SLC9A9: variants seen among roughly 807,000 people sequenced by gnomAD.
The protein encoded by SLC9A9 is solute carrier family 9 member A9, also known as sodium/hydrogen exchanger 9.
In SLC9A9, 62 loss-of-function variants were observed where a neutral mutation model predicts 77.8. That is an observed-to-expected ratio of 0.80 (90% CI 0.65 to 0.98). SLC9A9 has a LOEUF of 0.98. Among genes scored for constraint, SLC9A9 ranks in the 50% least tolerant of loss-of-function variants. The pLI is 0.00. For synonymous variants in SLC9A9, 320 were observed against 283.5 expected, an observed-to-expected ratio of 1.13 and a Z score of -1.29; for missense variants, 775 against 774.9, an observed-to-expected ratio of 1.00 and a Z score of 0.00.
chr3:143,726,957 T>A (rs1934669774), intron 4 of SLC9A9, among the ~76,000 whole-genome samples: 1 of 152,038 alleles, frequency 6.6e-6, no homozygotes, highest in African/African-American at 2.4e-5. Flanking sequence ...TAATAATCAC[T>A]GGAGGATTGA....
intron 9 of SLC9A9, among the ~76,000 whole-genome samples, chr3:143,543,802 C>T (rs1489645288): frequency 7.6e-6 from 1 of 131,182 alleles, no homozygotes; most frequent in Non-Finnish European, 1.7e-5. Context: ...TGATGGACAC[C>T]TAGATTGATT....
At chr3:143,329,557 G>A (rs528141059) in intron 14 of SLC9A9, among the ~76,000 whole-genome samples, 47 of 152,270 alleles carry the variant, frequency 3.1e-4, no homozygotes, top group Middle Eastern at 3.4e-3. Flanking sequence ...CTCCCATATG[G>A]CAGGTGTGCA....
rs1014538847 is a variant in SLC9A9, at chr3:143,756,017, C to T, written c.533+38984G>A. ...AACAGAGGTTCCAGTAAGAAACTTG[C>T]TGTGTCATGCCTTAGGCAATGCAGT... On this transcript the variant is annotated intron_variant, in intron 4 of 15. Transcript: ENST00000316549. Among the ~76,000 whole-genome samples the T allele has an allele frequency of 2.0e-5, 3 of 152,270 alleles. No individual in the cohort carries two copies. The East Asian group carries it at 5.8e-4, about 29-fold the overall frequency.
chr3:143,703,697 A>G (rs1933870516), intron 4 of SLC9A9, among the ~76,000 whole-genome samples: 1 of 152,142 alleles, frequency 6.6e-6, no homozygotes, highest in Non-Finnish European at 1.5e-5. Context: ...AGTTAGTGGA[A>G]TAAATGAAAT....
At chr3:143,324,050 A>C (rs1328389515) in intron 14 of SLC9A9, among the ~76,000 whole-genome samples, 3 of 152,142 alleles carry the variant, frequency 2.0e-5, no homozygotes, top group Non-Finnish European at 4.4e-5. Flanking sequence ...TAGAGGTAAC[A>C]ATCCAGGTGG....
rs142816466 is a variant in SLC9A9, at chr3:143,512,888, A to G, written c.1090-17440T>C. The stretch of plus-strand genomic sequence containing the variant: ...AGACTCTGTCTCAAAAAACAAACAA[A>G]CAAAACAAAGCAAACAAAAGAAATG... On this transcript the variant is annotated intron_variant, in intron 9 of 15. Coordinates refer to ENST00000316549, the MANE Select transcript of SLC9A9 (RefSeq NM_173653.4). Among the ~76,000 whole-genome samples the G allele has an allele frequency of 4.1e-4, 62 of 152,348 alleles. No individual in the cohort carries two copies. The East Asian group carries it at 0.012, about 28-fold the overall frequency.
chr3:143,418,555 A>G (rs1298803097), intron 12 of SLC9A9, among the ~76,000 whole-genome samples: 1 of 152,066 alleles, frequency 6.6e-6, no homozygotes, highest in Non-Finnish European at 1.5e-5. Context: ...CGAGGGGTGG[A>G]AGGTGAGGAG....
At chr3:143,828,204 GGT>G (rs2009347393) in intron 2 of SLC9A9, among the ~76,000 whole-genome samples, 1 of 152,136 alleles carries the variant, frequency 6.6e-6, no homozygotes, top group Non-Finnish European at 1.5e-5. Context: ...GAATGTCTCA[GGT>G]GTCTACAAAC....
At chr3:143,570,715 C>T (rs991896988) in intron 8 of SLC9A9, among the ~76,000 whole-genome samples, 2 of 151,548 alleles carry the variant, frequency 1.3e-5, no homozygotes, top group Non-Finnish European at 2.9e-5. Context: ...ATGAAAAAAG[C>T]AAGTTACTTA....
At chr3:143,360,144 G>A (rs1604380) in intron 14 of SLC9A9, among the ~76,000 whole-genome samples, 25,145 of 152,076 alleles carry the variant, frequency 0.17, 2,307 homozygotes, top group Middle Eastern at 0.24. Context: ...CTTGAATCAT[G>A]AAATTGACAC....
At chr3:143,377,114 A>T (rs1421067167) in intron 13 of SLC9A9, among the ~76,000 whole-genome samples, 1 of 152,224 alleles carries the variant, frequency 6.6e-6, no homozygotes, top group Non-Finnish European at 1.5e-5. Flanking sequence ...ATTTTATTTA[A>T]TGACCATGAT....
intron 6 of SLC9A9, among the ~76,000 whole-genome samples, chr3:143,606,436 C>CTCTCTCTCTCTCTCTCTCTA (rs1419410834): frequency 3.7e-5 from 2 of 54,188 alleles, no homozygotes; most frequent in African/African-American, 1.5e-4. Context: ...CTCTCTCTCT[C>CTCTCTCTCTCTCTCTCTCTA]TATATATATA....
rs1379930967 is a variant in SLC9A9 at position 143,346,385 on chromosome 3, T to C, written c.1604+17099A>G. ...GGCTGAGCTAACTGCTAGAGAAAAC[T>C]GATTCTTGATGTTGCAGAAAATAAG... On this transcript the variant is annotated intron_variant, in intron 14 of 15. Coordinates refer to ENST00000316549, the MANE Select transcript of SLC9A9 (RefSeq NM_173653.4). Among the ~76,000 whole-genome samples, 3 of 152,332 alleles carry C rather than the reference T, an allele frequency of 2.0e-5. No individual in the cohort carries two copies. The East Asian group carries it at 5.8e-4, about 29-fold the overall frequency.
chr3:143,435,984 A>G (rs760833627), intron 12 of SLC9A9, among the ~76,000 whole-genome samples: 29 of 152,228 alleles, frequency 1.9e-4, no homozygotes, highest in Non-Finnish European at 3.5e-4. Flanking sequence ...TACAGACACA[A>G]CAATCCTTTA....
chr3:143,299,446 C>T (rs1455900052), intron 14 of SLC9A9, among the ~76,000 whole-genome samples: 2 of 151,182 alleles, frequency 1.3e-5, no homozygotes, highest in African/African-American at 2.4e-5. Flanking sequence ...GGGACCTACA[C>T]ATTTTTTTTT....
At chr3:143,278,703 C>CTTAACTACATATATAAG (rs1363225726) in intron 14 of SLC9A9, among the ~76,000 whole-genome samples, 1 of 152,300 alleles carries the variant, frequency 6.6e-6, no homozygotes, top group East Asian at 1.9e-4. Context: ...ACGACCTTGT[C>CTTAACTACATATATAAG]TTAACTACAT....
chr3:143,268,901 G>A lies in SLC9A9; in HGVS notation c.1684C>T (p.Leu562=). 1 of 1,613,856 alleles carries A rather than the reference G, an allele frequency of 6.2e-7. No individual in the cohort carries two copies. Among genetic ancestry groups the A allele is most frequent in the East Asian group, 2.2e-5 (1 of 44,862 alleles). The part of the protein sequence containing the change: ...LPEWCGPISR[L]LTSPQAYGEQ... ...CCATAGGCTTGAGGACTGGTAAGCA[G>A]CCTGGAAATCGGACCACACCATTCA... Residue 562 remains leucine, a synonymous_variant, in exon 15 of 16, where the codon CTG becomes TTG. Transcript: ENST00000316549.
intron 14 of SLC9A9, among the ~76,000 whole-genome samples, chr3:143,287,066 G>C (rs752112401): frequency 3.9e-5 from 6 of 152,012 alleles, no homozygotes; most frequent in Admixed American, 1.3e-4. Flanking sequence ...TGGATTATCT[G>C]AGACACTTTC....
At chr3:143,543,056 A>C (rs1337380519) in intron 9 of SLC9A9, among the ~76,000 whole-genome samples, 1 of 152,240 alleles carries the variant, frequency 6.6e-6, no homozygotes, top group Admixed American at 6.5e-5. Context: ...AGAGACAAAA[A>C]TACTATGAAT....
Sources: gnomAD v4.1 joint callset for allele counts (sites outside exome capture counted in the v4.1 genomes callset) on GRCh38, gnomAD v4.1.1 for gene constraint, MANE v1.5 for transcripts, NCBI Gene and HGNC (gene_info 2026-07-23, HGNC 2026-07-21) for gene names.